The following NLGN4X variants were observed in gnomAD, a reference collection of about 807,000 sequenced individuals.
NLGN4X encodes the protein neuroligin-4, X-linked.
A neutral mutation model predicts 40.3 loss-of-function variants in NLGN4X; 3 were observed. That is an observed-to-expected ratio of 0.07 (90% CI 0.03 to 0.19). The LOEUF is 0.19. Ranked by LOEUF, NLGN4X falls within the 10% of genes least tolerant of loss-of-function variation. The probability of loss-of-function intolerance (pLI) is 1.00; values close to 1 mark genes in which losing one functional copy is unlikely to be tolerated. For missense variants in NLGN4X, 382 were observed against 708.3 expected, an observed-to-expected ratio of 0.54 and a Z score of 5.23; for synonymous variants, 270 against 306.8, an observed-to-expected ratio of 0.88 and a Z score of 1.25.
chrX:6,011,140 GT>G (rs1368016487), intron 3 of NLGN4X, among the ~76,000 whole-genome samples: 2 of 110,481 alleles, frequency 1.8e-5, no homozygotes, highest in African/African-American at 6.6e-5. Flanking sequence ...ACAATATAAA[GT>G]ATCTCAGAGT....
chrX:6,193,065 A>G (rs1602398837), intron 1 of NLGN4X, among the ~76,000 whole-genome samples: 1 of 110,775 alleles, frequency 9.0e-6, no homozygotes, highest in East Asian at 2.9e-4. Context: ...GCTGTGCTGG[A>G]CTCGCCAATA....
chrX:6,047,704 G>A (rs2037362229), intron 2 of NLGN4X, among the ~76,000 whole-genome samples: 1 of 111,672 alleles, frequency 9.0e-6, no homozygotes, highest in Non-Finnish European at 1.9e-5. Context: ...CAGGATTGAG[G>A]GAGAAAAACA....
chrX:6,210,844 C>T (rs761584233), intron 1 of NLGN4X, among the ~76,000 whole-genome samples: 2 of 112,055 alleles, frequency 1.8e-5, no homozygotes. Context: ...TACAAAACTA[C>T]GAGAAGATCA....
chrX:5,918,401 A>T (rs1359475430), intron 3 of NLGN4X, among the ~76,000 whole-genome samples: 1 of 112,284 alleles, frequency 8.9e-6, no homozygotes, highest in Non-Finnish European at 1.9e-5. Flanking sequence ...CACATATATT[A>T]GACGAATTAG....
At chrX:6,085,089 G>A (rs2038463333) in intron 2 of NLGN4X, among the ~76,000 whole-genome samples, 1 of 108,328 alleles carries the variant, frequency 9.2e-6, no homozygotes, top group Non-Finnish European at 1.9e-5. Context: ...AGAAACAACA[G>A]GGTGAGCCCA....
In NLGN4X at chrX:5,962,791, T is replaced by C. The variant is rs758933511; in HGVS notation, c.626-53552A>G. On this transcript the variant is annotated intron_variant, in intron 3 of 5. Coordinates refer to ENST00000381095, the MANE Select transcript of NLGN4X (RefSeq NM_181332.3). ...TCTCAAAGAGCTCCCTCACCCTTTTTCCATGTGAGGACACAGGGAGAAGTC... is the reference window on the plus strand; with the variant it reads ...TCTCAAAGAGCTCCCTCACCCTTTTCCCATGTGAGGACACAGGGAGAAGTC... Among the ~76,000 whole-genome samples the C allele has an allele frequency of 2.7e-4, 30 of 112,108 alleles. No individual in the cohort carries two copies. In the Middle Eastern group the frequency reaches 0.014, roughly 51 times the overall value.
intron 3 of NLGN4X, among the ~76,000 whole-genome samples, chrX:5,923,705 G>A (rs1016723751): frequency 5.4e-5 from 6 of 111,719 alleles, no homozygotes; most frequent in Non-Finnish European, 7.5e-5. Flanking sequence ...CTTGCCTCCC[G>A]CTGGGTCCCT....
intron 3 of NLGN4X, among the ~76,000 whole-genome samples, chrX:5,987,998 G>A (rs1416925000): frequency 8.9e-6 from 1 of 111,858 alleles, no homozygotes; most frequent in East Asian, 2.8e-4. Context: ...GATCACTTGA[G>A]CCCAGGAGTT....
intron 1 of NLGN4X, among the ~76,000 whole-genome samples, chrX:6,205,496 T>G (rs1407119647): frequency 4.4e-5 from 5 of 112,580 alleles, no homozygotes; most frequent in Admixed American, 9.4e-5. Flanking sequence ...GAAAGATCTC[T>G]TCCCAGATAA....
chrX:6,225,023 CACATAT>C lies in NLGN4X; in HGVS notation c.-306+3512_-306+3517del, dbSNP rs1427049094. On this transcript the variant is annotated intron_variant, in intron 1 of 5. Transcript: ENST00000381095. ...ATATATATATATATACACACACACA[CACATAT>C]ATGTAGAAATGTAGAATGCGTGTGT... Among the ~76,000 whole-genome samples the C allele has an allele frequency of 5.2e-3, 282 of 53,828 alleles. 8 individuals carry two copies. The highest frequency in any genetic ancestry group is 9.4e-3 in the Non-Finnish European group (225 of 23,974). 46.7% of individuals were successfully genotyped at this position (53,828 alleles called of 115,157 possible).
intron 3 of NLGN4X, among the ~76,000 whole-genome samples, chrX:5,929,701 T>G (rs1310352770): frequency 8.9e-6 from 1 of 112,265 alleles, no homozygotes; most frequent in Non-Finnish European, 1.9e-5. Context: ...CTTTTCTTCC[T>G]ATCTTAGTTT....
chrX:6,028,879 C>T (rs2036780369), intron 3 of NLGN4X, among the ~76,000 whole-genome samples: 1 of 111,506 alleles, frequency 9.0e-6, no homozygotes, highest in African/African-American at 3.3e-5. Flanking sequence ...AAATCTTTTC[C>T]TCCACACAAT....
At chrX:6,168,429 G>C (rs1411364614) in intron 1 of NLGN4X, among the ~76,000 whole-genome samples, 2 of 112,465 alleles carry the variant, frequency 1.8e-5, no homozygotes, top group Non-Finnish European at 3.8e-5. Flanking sequence ...CATCTATTAT[G>C]TTTATGCCCT....
chrX:6,075,047 A>G (rs997167588), intron 2 of NLGN4X, among the ~76,000 whole-genome samples: 3 of 111,663 alleles, frequency 2.7e-5, no homozygotes, highest in Non-Finnish European at 5.6e-5. Context: ...AGCAAAGAGA[A>G]CTCTAGAAGC....
At chrX:6,171,648 G>A (rs1010394945) in intron 1 of NLGN4X, among the ~76,000 whole-genome samples, 6 of 111,743 alleles carry the variant, frequency 5.4e-5, no homozygotes, top group African/African-American at 1.6e-4. Flanking sequence ...AGAGTTCTAC[G>A]TAGTAAATTG....
At chrX:6,211,844 A>G (rs1272916660) in intron 1 of NLGN4X, among the ~76,000 whole-genome samples, 3 of 112,012 alleles carry the variant, frequency 2.7e-5, no homozygotes, top group Admixed American at 9.5e-5. Context: ...CTACTAGCCT[A>G]TGGAATGATG....
intron 3 of NLGN4X, among the ~76,000 whole-genome samples, chrX:5,911,452 C>A (rs1471769728): frequency 8.9e-6 from 1 of 111,847 alleles, no homozygotes; most frequent in Non-Finnish European, 1.9e-5. Flanking sequence ...CTTCTAACAG[C>A]ATCCTATTGG....
At chrX:6,121,424 C>G (rs1237922041) in intron 2 of NLGN4X, among the ~76,000 whole-genome samples, 2 of 111,693 alleles carry the variant, frequency 1.8e-5, no homozygotes, top group Non-Finnish European at 3.8e-5. Flanking sequence ...AAAACACACC[C>G]TATCATGCAA....
intron 2 of NLGN4X, among the ~76,000 whole-genome samples, chrX:6,071,785 T>TTGGAGAG (rs2054165533): frequency 8.9e-6 from 1 of 111,987 alleles, no homozygotes; most frequent in African/African-American, 3.2e-5. Flanking sequence ...ATGAAGATGC[T>TTGGAGAG]TGGAGAGTGC....
Sources: gnomAD v4.1 joint callset for allele counts (sites outside exome capture counted in the v4.1 genomes callset) on GRCh38, gnomAD v4.1.1 for gene constraint, MANE v1.5 for transcripts, NCBI Gene and HGNC (gene_info 2026-07-23, HGNC 2026-07-21) for gene names.